The following VPS35L variants were observed in gnomAD, a reference collection of about 807,000 sequenced individuals.
VPS35L encodes VPS35 endosomal protein sorting factor like, also known as VPS35 endosomal protein-sorting factor-like.
Under a neutral mutation model 133.0 loss-of-function variants are expected in VPS35L, and 83 were observed. The ratio of observed to expected loss-of-function variants is 0.62; its 90% CI spans 0.52 to 0.75. The LOEUF (loss-of-function observed/expected upper bound fraction) is 0.75, where lower values mean the gene tolerates loss of function less well. Ranked by LOEUF, VPS35L falls within the 30% of genes least tolerant of loss-of-function variation. VPS35L has a pLI of 0.00. For missense variants in VPS35L, 1,083 were observed against 1,206.8 expected (o/e 0.90, Z 1.52); for synonymous variants, 423 against 449.9 (o/e 0.94, Z 0.76).
intron 12 of VPS35L, among the ~76,000 whole-genome samples, chr16:19,613,233 G>A (rs990342686): frequency 6.6e-6 from 1 of 152,184 alleles, no homozygotes; most frequent in Admixed American, 6.5e-5. Context: ...AACCCAGGAG[G>A]CAGAGGTTGC....
At chr16:19,620,869 T>C (rs1299143542) in intron 14 of VPS35L, among the ~76,000 whole-genome samples, 2 of 152,130 alleles carry the variant, frequency 1.3e-5, no homozygotes, top group Non-Finnish European at 2.9e-5. Context: ...GGGGATTACT[T>C]GAACCCAGGA....
intron 1 of VPS35L, among the ~76,000 whole-genome samples, chr16:19,562,470 T>C (rs1326617446): frequency 6.6e-6 from 1 of 152,138 alleles, no homozygotes; most frequent in African/African-American, 2.4e-5. Context: ...AGCTGAGATG[T>C]TCTGCTTGGA....
intron 14 of VPS35L, among the ~76,000 whole-genome samples, chr16:19,619,251 A>G (rs1034702674): frequency 6.6e-6 from 1 of 151,848 alleles, no homozygotes; most frequent in Non-Finnish European, 1.5e-5. Context: ...CTGTTTTCTA[A>G]CTTTTCAACA....
chr16:19,668,715 A>G (rs1974776832), intron 26 of VPS35L, among the ~76,000 whole-genome samples: 1 of 152,036 alleles, frequency 6.6e-6, no homozygotes, highest in African/African-American at 2.4e-5. Context: ...CAGCTCTACT[A>G]CCAACACTGG....
intron 1 of VPS35L, among the ~76,000 whole-genome samples, chr16:19,563,506 CT>C (rs1211827278): frequency 6.6e-6 from 1 of 152,122 alleles, no homozygotes; most frequent in African/African-American, 2.4e-5. Flanking sequence ...AGAGACTGTT[CT>C]TGCACATTCT....
At chr16:19,558,095 G>C (rs1970918589) in intron 1 of VPS35L, among the ~76,000 whole-genome samples, 1 of 152,178 alleles carries the variant, frequency 6.6e-6, no homozygotes, top group African/African-American at 2.4e-5. Context: ...AAGGGACTGA[G>C]TTTTGTCCAT....
At chr16:19,672,140 G>C (rs1435110156) in intron 27 of VPS35L, among the ~76,000 whole-genome samples, 1 of 151,990 alleles carries the variant, frequency 6.6e-6, no homozygotes, top group Non-Finnish European at 1.5e-5. Context: ...TTTTATAGAG[G>C]TACATTCTCA....
chr16:19,629,112 A>T (rs947097429), intron 17 of VPS35L, among the ~76,000 whole-genome samples: 7 of 152,058 alleles, frequency 4.6e-5, no homozygotes, highest in African/African-American at 1.7e-4. Context: ...TTTTTGTCCA[A>T]GTTTTGGCAT....
chr16:19,668,029 AGAAG>A (rs1471774290), intron 26 of VPS35L, among the ~76,000 whole-genome samples: 1 of 152,096 alleles, frequency 6.6e-6, no homozygotes, highest in Middle Eastern at 3.2e-3. Flanking sequence ...TCTCCTTTGA[AGAAG>A]GAAGAGATGG....
At chr16:19,672,439 C>G (rs1227448813) in intron 27 of VPS35L, among the ~76,000 whole-genome samples, 2 of 152,340 alleles carry the variant, frequency 1.3e-5, no homozygotes, top group East Asian at 3.9e-4. Flanking sequence ...CTGTGAATAT[C>G]CTGACAATCA....
At chr16:19,637,693 A>G in intron 20 of VPS35L, 37 bp downstream of exon 20, 1 of 1,446,890 alleles carries the variant, frequency 6.9e-7, no homozygotes, top group African/African-American at 1.4e-5. Context: ...GGAAATTTGT[A>G]CCTGGCTCAG....
intron 1 of VPS35L, among the ~76,000 whole-genome samples, chr16:19,564,117 C>T (rs1971109366): frequency 6.6e-6 from 1 of 152,116 alleles, no homozygotes; most frequent in South Asian, 2.1e-4. Context: ...CTCACTCTGT[C>T]CCCCAGGCTG....
At chr16:19,583,853 C>G (rs925729268) in intron 7 of VPS35L, among the ~76,000 whole-genome samples, 50 of 152,210 alleles carry the variant, frequency 3.3e-4, no homozygotes, top group African/African-American at 1.1e-3. Context: ...TAACCAACCT[C>G]TTTGTTCTCC....
At chr16:19,690,164 C>T (rs1370371621) in intron 28 of VPS35L, among the ~76,000 whole-genome samples, 4 of 152,134 alleles carry the variant, frequency 2.6e-5, no homozygotes, top group Non-Finnish European at 1.5e-5. Context: ...GCCTCAGCCT[C>T]CCAGAGTGCT....
At chr16:19,688,425 T>C (rs749380680) in intron 28 of VPS35L, among the ~76,000 whole-genome samples, 51 of 152,224 alleles carry the variant, frequency 3.4e-4, no homozygotes, top group Non-Finnish European at 5.7e-4. Flanking sequence ...ATGTGGTTTA[T>C]TAAAGACATC....
chr16:19,567,950 A>G (rs1971238685), intron 2 of VPS35L, among the ~76,000 whole-genome samples: 1 of 150,124 alleles, frequency 6.7e-6, no homozygotes, highest in African/African-American at 2.5e-5. Context: ...AGGCTTAGTG[A>G]CAAAGCGAGA....
chr16:19,700,297 A>C, intron 30 of VPS35L, 81 bp from the exon 31 acceptor site: 1 of 1,237,394 alleles, frequency 8.1e-7, no homozygotes, highest in African/African-American at 1.5e-5. Flanking sequence ...ATCTAAGCTC[A>C]CATAATGGCT....
intron 20 of VPS35L, among the ~76,000 whole-genome samples, chr16:19,638,054 T>A (rs1973675000): frequency 6.6e-6 from 1 of 152,212 alleles, no homozygotes; most frequent in Admixed American, 6.5e-5. Flanking sequence ...CTAGTAGTTG[T>A]TTCAGTGTCT....
chr16:19,606,088 G>T (rs576565270), intron 9 of VPS35L, among the ~76,000 whole-genome samples: 72 of 152,336 alleles, frequency 4.7e-4, no homozygotes, highest in Non-Finnish European at 8.8e-4. Context: ...CTGTATTGGT[G>T]TATGCAGATT....
Sources: allele counts gnomAD v4.1 joint callset (sites outside exome capture counted in the v4.1 genomes callset), GRCh38; gene constraint gnomAD v4.1.1; transcripts MANE v1.5; gene names NCBI Gene and HGNC (gene_info 2026-07-23, HGNC 2026-07-21).